Variants in UBE4B observed in about 807,000 individuals in gnomAD.
UBE4B encodes the protein ubiquitin conjugation factor E4 B.
UBE4B carries 27 observed loss-of-function variants against 148.1 expected under a neutral mutation model. The ratio of observed to expected loss-of-function variants is 0.18; its 90% confidence interval spans 0.13 to 0.25. The LOEUF (loss-of-function observed/expected upper bound fraction) is 0.25, where lower values mean the gene tolerates loss of function less well. Among genes scored for constraint, UBE4B ranks in the 10% least tolerant of loss-of-function variants. The pLI, the probability that UBE4B is intolerant of heterozygous loss-of-function variation, is 1.00. For synonymous variants in UBE4B, 596 were observed against 619.3 expected, an observed-to-expected ratio of 0.96 and a Z score of 0.56; for missense variants, 1,170 against 1,662.4, an observed-to-expected ratio of 0.70 and a Z score of 5.15.
intron 5 of UBE4B, among the ~76,000 whole-genome samples, chr1:10,103,517 C>T (rs917601937): frequency 1.4e-4 from 21 of 151,448 alleles, no homozygotes; most frequent in Non-Finnish European, 2.9e-4. Context: ...ACTGCAACTT[C>T]TGCCTCCCGA....
At chr1:10,101,007 T>C (rs1408828742) in intron 3 of UBE4B, 101 bp from the exon 4 acceptor site, 18 of 992,226 alleles carry the variant, frequency 1.8e-5, no homozygotes, top group Non-Finnish European at 2.6e-5. Flanking sequence ...TTTCCTTTCC[T>C]GATTAACTGA....
rs1645885933 is a variant in UBE4B, at chr1:10,147,099, G to A, written c.2591+9G>A. 2 of 1,613,924 alleles carry A rather than the reference G, an allele frequency of 1.2e-6. No homozygotes were observed. Among genetic ancestry groups the A allele is most frequent in the African/African-American group, 1.3e-5 (1 of 74,914 alleles). On this transcript the variant is annotated intron_variant, in intron 19 of 27. Transcript: ENST00000343090. ...GACCCCGCATATCCCGAGTGAGTGT[G>A]CTTCTTCCTGTTTCCCTTGTCCCTC...
intron 1 of UBE4B, among the ~76,000 whole-genome samples, chr1:10,071,293 A>G (rs1444910431): frequency 6.6e-6 from 1 of 152,190 alleles, no homozygotes; most frequent in East Asian, 1.9e-4. Context: ...AGTGTGTTAC[A>G]AGCATAGGCT....
intron 5 of UBE4B, among the ~76,000 whole-genome samples, chr1:10,104,640 G>A (rs1645076533): frequency 6.6e-6 from 1 of 152,178 alleles, no homozygotes; most frequent in African/African-American, 2.4e-5. Flanking sequence ...TGCTAATGGA[G>A]CAGACCATGT....
rs1203226749 is a variant in UBE4B, at chr1:10,088,620, C to T, written c.212-6841C>T. Among the ~76,000 whole-genome samples, 3 of 152,162 alleles carry T rather than the reference C, an allele frequency of 2.0e-5. No individual in the cohort carries two copies. In the East Asian group the frequency reaches 5.8e-4, roughly 29 times the overall value. On this transcript the variant is annotated intron_variant, in intron 2 of 27. Coordinates refer to ENST00000343090, the MANE Select transcript of UBE4B (RefSeq NM_001105562.3). ...TGAACTCCTCAGCTGATCCACCTGC[C>T]TTGTCCTCCCAAAGTGTTGGGATTA...
In UBE4B at chr1:10,161,668, C is replaced by T. The variant is rs553543475; in HGVS notation, c.3198+382C>T. 6.6e-6 allele frequency among the ~76,000 whole-genome samples: 1 copy of T among 152,312 alleles called. No homozygotes were observed. The highest frequency in any genetic ancestry group is 1.9e-4 in the East Asian group (1 of 5,186). ...TGTTCCTATGGGCTTCTCTAGGCAA[C>T]TGTGTGAATCACTCAGGATCCTGGC... is the stretch of plus-strand genomic sequence containing the variant. On this transcript the variant is annotated intron_variant, in intron 23 of 27. Transcript: ENST00000343090. This position sits in a 1 kb window ranked among gnomAD's most constrained non-coding sequence, Gnocchi z 4.1.
At chr1:10,061,111 A>G (rs959271926) in intron 1 of UBE4B, among the ~76,000 whole-genome samples, 6 of 152,082 alleles carry the variant, frequency 3.9e-5, no homozygotes, top group Admixed American at 6.6e-5. Context: ...AATGAGATGC[A>G]TTAATGCAGC....
At chr1:10,069,099 A>T (rs1201631730) in intron 1 of UBE4B, among the ~76,000 whole-genome samples, 2 of 152,354 alleles carry the variant, frequency 1.3e-5, no homozygotes, top group East Asian at 1.9e-4. Flanking sequence ...ACCGCATATT[A>T]TAGTGAGTCA....
intron 2 of UBE4B, among the ~76,000 whole-genome samples, chr1:10,092,703 C>G (rs1644868365): frequency 6.6e-6 from 1 of 152,070 alleles, no homozygotes; most frequent in Non-Finnish European, 1.5e-5. Context: ...TGGCGCATGC[C>G]TGTAATCCTA....
In UBE4B at chr1:10,106,370, C is replaced by T. The variant is rs755292165; in HGVS notation, c.983C>T (p.Pro328Leu). ...GCTGCGGGAAGCCAGCCTTCATCCC[C>T]GCGGTATCGCCCCTACACTGTCACT... ...GTAAGSQPSS[P>L]RYRPYTVTHP... The change falls in exon 7 of 28, where the codon CCG (proline) becomes CTG (leucine). Residue 328 changes from proline (P) to leucine (L), a missense_variant. Coordinates refer to ENST00000343090, the MANE Select transcript of UBE4B (RefSeq NM_001105562.3). This position sits in a 1 kb window ranked among gnomAD's most constrained non-coding sequence, Gnocchi z 4.2. 38 of 1,613,694 alleles carry T rather than the reference C, an allele frequency of 2.4e-5. No individual in the cohort carries two copies. The highest frequency in any genetic ancestry group is 8.0e-5 in the African/African-American group (6 of 74,910).
chr1:10,151,079 C>T (rs1433197493), intron 20 of UBE4B, among the ~76,000 whole-genome samples: 1 of 151,262 alleles, frequency 6.6e-6, no homozygotes, highest in African/African-American at 2.4e-5. Context: ...AGGAGAATGG[C>T]GTGAACCTGG....
chr1:10,123,344 T>G (rs1301517101), intron 10 of UBE4B, among the ~76,000 whole-genome samples: 1 of 149,708 alleles, frequency 6.7e-6, no homozygotes, highest in African/African-American at 2.5e-5. Context: ...GGTAGGAGAA[T>G]TGCTTGAACC....
intron 1 of UBE4B, among the ~76,000 whole-genome samples, chr1:10,044,326 A>C (rs1643873254): frequency 6.6e-6 from 1 of 152,022 alleles, no homozygotes; most frequent in South Asian, 2.1e-4. Context: ...AAGTGCTAGG[A>C]TTACAGGTGG....
chr1:10,072,150 C>T lies in UBE4B; in HGVS notation c.147C>T (p.Pro49=). The part of the protein sequence containing the change: ...GPPIAASAPG[P]SQSLGLNVHN... ...CCATAGCGGCATCAGCCCCAGGACC[C>T]TCTCAGAGTCTTGGTCTCAATGTCC... The change falls in exon 2 of 28, where the codon CCC becomes CCT. Residue 49 remains proline (P), a synonymous_variant. Transcript: ENST00000343090. The T allele has an allele frequency of 6.2e-7, 1 of 1,613,948 alleles. No homozygotes were observed. Among genetic ancestry groups the T allele is most frequent in the Non-Finnish European group, 8.5e-7 (1 of 1,179,962 alleles).
intron 2 of UBE4B, among the ~76,000 whole-genome samples, chr1:10,090,228 AC>A (rs1045796877): frequency 2.0e-5 from 3 of 150,764 alleles, no homozygotes; most frequent in African/African-American, 4.9e-5. Flanking sequence ...CAGGTGACCC[AC>A]CCCCCTCAGC....
chr1:10,091,130 T>C (rs930987999), intron 2 of UBE4B, among the ~76,000 whole-genome samples: 1 of 152,188 alleles, frequency 6.6e-6, no homozygotes, highest in Admixed American at 6.5e-5. Context: ...GAAGGTTTGT[T>C]CTATAGTTGA....
At chr1:10,087,691 T>A (rs1054257830) in intron 2 of UBE4B, among the ~76,000 whole-genome samples, 1 of 152,222 alleles carries the variant, frequency 6.6e-6, no homozygotes, top group Admixed American at 6.5e-5. Flanking sequence ...CCACATGATG[T>A]CCCTGGTGCT....
At chr1:10,124,891 C>T (rs78438768) in intron 10 of UBE4B, among the ~76,000 whole-genome samples, 4 of 151,938 alleles carry the variant, frequency 2.6e-5, no homozygotes, top group Non-Finnish European at 4.4e-5. Flanking sequence ...TTTGGGAGGC[C>T]GAGGCAGGTG....
chr1:10,076,356 T>G (rs1432034707), intron 2 of UBE4B, among the ~76,000 whole-genome samples: 1 of 151,862 alleles, frequency 6.6e-6, no homozygotes, highest in Non-Finnish European at 1.5e-5. Context: ...GCAACTCTCC[T>G]GCCTCAGCCT....
Sources: gnomAD v4.1 joint callset for allele counts (sites outside exome capture counted in the v4.1 genomes callset) on GRCh38, gnomAD v4.1.1 for gene constraint, Gnocchi (gnomAD v3.1) non-coding constraint, MANE v1.5 for transcripts, NCBI Gene and HGNC (gene_info 2026-07-23, HGNC 2026-07-21) for gene names.